Variants in FRMD5 observed in about 807,000 individuals in gnomAD.
The protein encoded by FRMD5 is FERM domain containing 5, also known as FERM domain-containing protein 5.
FRMD5 carries 20 observed loss-of-function variants against 69.0 expected under a neutral mutation model. The ratio of observed to expected loss-of-function variants is 0.29; its 90% CI spans 0.20 to 0.42. The LOEUF (loss-of-function observed/expected upper bound fraction) is 0.42, where lower values mean the gene tolerates loss of function less well. FRMD5 is among the 10% of genes least tolerant of loss of function. FRMD5 has a pLI of 1.00. For missense variants in FRMD5, 595 were observed against 708.6 expected, an observed-to-expected ratio of 0.84 and a Z score of 1.82; for synonymous variants, 271 against 260.1, an observed-to-expected ratio of 1.04 and a Z score of -0.40.
chr15:44,192,796 T>C (rs2078217899), intron 1 of FRMD5, among the ~76,000 whole-genome samples: 1 of 152,172 alleles, frequency 6.6e-6, no homozygotes, highest in Admixed American at 6.5e-5. Flanking sequence ...TACTTAACAA[T>C]CCCTGTGTTC....
At chr15:44,022,819 C>G (rs1011043444) in intron 1 of FRMD5, among the ~76,000 whole-genome samples, 6 of 152,076 alleles carry the variant, frequency 3.9e-5, no homozygotes, top group Non-Finnish European at 1.5e-5. Flanking sequence ...GACTCTAGAC[C>G]ATCTGAGTAG....
chr15:44,089,068 G>C (rs117535896), intron 1 of FRMD5, among the ~76,000 whole-genome samples: 1 of 152,238 alleles, frequency 6.6e-6, no homozygotes, highest in Non-Finnish European at 1.5e-5. Context: ...AAAAACTCAG[G>C]TTTCAAGAGA....
intron 1 of FRMD5, among the ~76,000 whole-genome samples, chr15:43,958,772 T>C (rs1052278188): frequency 8.5e-5 from 13 of 152,174 alleles, no homozygotes; most frequent in African/African-American, 2.7e-4. Context: ...AAAAGGAAGA[T>C]TCATTGCTTT....
chr15:43,985,839 T>C (rs1019656427), intron 1 of FRMD5, among the ~76,000 whole-genome samples: 1 of 152,182 alleles, frequency 6.6e-6, no homozygotes, highest in African/African-American at 2.4e-5. Flanking sequence ...ATCAAAGGTA[T>C]TGCCCCTGGA....
chr15:43,900,220 C>T (rs1182699823), intron 7 of FRMD5, among the ~76,000 whole-genome samples: 2 of 152,170 alleles, frequency 1.3e-5, no homozygotes, highest in Non-Finnish European at 2.9e-5. Flanking sequence ...GGATGGGAAC[C>T]GGAGCCCAGG....
At chr15:44,101,005 C>T (rs1268297217) in intron 1 of FRMD5, among the ~76,000 whole-genome samples, 2 of 151,770 alleles carry the variant, frequency 1.3e-5, no homozygotes, top group African/African-American at 2.4e-5. Flanking sequence ...AAAAATTAGC[C>T]GGGTGTGATG....
chr15:44,007,023 T>A (rs1890481368), intron 1 of FRMD5, among the ~76,000 whole-genome samples: 1 of 152,164 alleles, frequency 6.6e-6, no homozygotes, highest in Non-Finnish European at 1.5e-5. Flanking sequence ...TGTGCCAAAC[T>A]TCATGGTTAT....
chr15:44,098,120 A>AAAAAAAAAAAAAAAAAAC (rs1555403630), intron 1 of FRMD5, among the ~76,000 whole-genome samples: 26 of 142,152 alleles, frequency 1.8e-4, no homozygotes, highest in East Asian at 4.1e-4. Flanking sequence ...CAAAACAAAA[A>AAAAAAAAAAAAAAAAAAC]AAAAAAAACT....
chr15:44,141,223 G>A (rs1432310730), intron 1 of FRMD5, among the ~76,000 whole-genome samples: 1 of 151,976 alleles, frequency 6.6e-6, no homozygotes, highest in African/African-American at 2.4e-5. Context: ...TTCAAATTAT[G>A]CCAAAAAAAA....
In FRMD5 at chr15:43,874,347, A is replaced by G. The variant is rs2088262859; in HGVS notation, c.1251T>C (p.Ala417=). 3 of 1,614,204 alleles carry G rather than the reference A, an allele frequency of 1.9e-6. No individual in the cohort carries two copies. The highest frequency in any genetic ancestry group is 2.5e-6 in the Non-Finnish European group (3 of 1,180,032). The change falls in exon 14 of 14, where the codon GCT becomes GCC. Residue 417 remains alanine, a synonymous_variant. Coordinates refer to ENST00000417257, the MANE Select transcript of FRMD5 (RefSeq NM_032892.5). Reference sequence around the variant, plus strand: ...GGCTGTAGGCCTCGTCTGCAATCACAGCTACTCGCTCATTGCTATCTGTCC... The same window carrying G: ...GGCTGTAGGCCTCGTCTGCAATCACGGCTACTCGCTCATTGCTATCTGTCC... The part of the protein sequence containing the change: ...SSRTDSNERV[A]VIADEAYSPA...
intron 1 of FRMD5, among the ~76,000 whole-genome samples, chr15:44,108,050 C>A (rs1373688386): frequency 2.0e-5 from 3 of 152,164 alleles, no homozygotes; most frequent in Non-Finnish European, 4.4e-5. Context: ...CTAAACCAAA[C>A]TGAGCCCTCA....
chr15:44,102,547 A>G (rs565907402), intron 1 of FRMD5, among the ~76,000 whole-genome samples: 1 of 152,362 alleles, frequency 6.6e-6, no homozygotes, highest in Non-Finnish European at 1.5e-5. Flanking sequence ...CTACTCTTCC[A>G]TAGGAAAAGG....
At chr15:44,068,288 C>G (rs77368733) in intron 1 of FRMD5, among the ~76,000 whole-genome samples, 4 of 152,040 alleles carry the variant, frequency 2.6e-5, no homozygotes, top group African/African-American at 4.8e-5. Flanking sequence ...AACTTGCGCA[C>G]AAATGTTCAT....
intron 12 of FRMD5, 26 bp from the exon 13 acceptor site, chr15:43,883,835 T>C (rs1352120249): frequency 2.6e-6 from 4 of 1,554,314 alleles, no homozygotes; most frequent in Middle Eastern, 1.7e-4. Flanking sequence ...AAGAACCTTG[T>C]TAATTCAGTG....
intron 1 of FRMD5, among the ~76,000 whole-genome samples, chr15:44,179,563 G>C (rs1183120087): frequency 1.3e-5 from 2 of 152,170 alleles, no homozygotes; most frequent in African/African-American, 4.8e-5. Context: ...ATAGATGGAA[G>C]CAGTCACCAA....
At chr15:44,070,549 A>G (rs954211852) in intron 1 of FRMD5, among the ~76,000 whole-genome samples, 4 of 152,170 alleles carry the variant, frequency 2.6e-5, no homozygotes, top group Non-Finnish European at 4.4e-5. Flanking sequence ...ATACTGTGTG[A>G]CCTCAGATAA....
chr15:43,967,058 G>A (rs2090305823), intron 1 of FRMD5, among the ~76,000 whole-genome samples: 2 of 152,110 alleles, frequency 1.3e-5, no homozygotes, highest in East Asian at 3.9e-4. Context: ...GGCTGGAGCT[G>A]GTTTAATTAA....
At chr15:44,168,378 C>CAT (rs1444171595) in intron 1 of FRMD5, among the ~76,000 whole-genome samples, 2 of 152,168 alleles carry the variant, frequency 1.3e-5, no homozygotes. Context: ...GATCCTTTCA[C>CAT]ATATAGATCA....
chr15:43,874,786 G>C (rs949045667), intron 13 of FRMD5, among the ~76,000 whole-genome samples: 4 of 152,150 alleles, frequency 2.6e-5, no homozygotes, highest in African/African-American at 7.2e-5. Context: ...TGTAATCCCA[G>C]TTACTTGGTG....
Sources: gnomAD v4.1 joint callset for allele counts (sites outside exome capture counted in the v4.1 genomes callset) on GRCh38, gnomAD v4.1.1 for gene constraint, MANE v1.5 for transcripts, NCBI Gene and HGNC (gene_info 2026-07-23, HGNC 2026-07-21) for gene names.